Variants in IL1RAPL1 observed in about 807,000 individuals in gnomAD.
IL1RAPL1 encodes interleukin 1 receptor accessory protein like 1.
In IL1RAPL1, 3 loss-of-function variants were observed where a neutral mutation model predicts 48.4. The ratio of observed to expected loss-of-function variants is 0.06; its 90% confidence interval spans 0.03 to 0.16. The LOEUF (loss-of-function observed/expected upper bound fraction) is 0.16. Ranked by LOEUF, IL1RAPL1 falls within the 10% of genes least tolerant of loss-of-function variation. The pLI is 1.00. For synonymous variants in IL1RAPL1, 185 were observed against 187.7 expected (o/e 0.99, Z 0.12); for missense variants, 349 against 530.6 (o/e 0.66, Z 3.36).
intron 5 of IL1RAPL1, among the ~76,000 whole-genome samples, chrX:29,656,434 C>T (rs952754438): frequency 9.1e-6 from 1 of 110,376 alleles, no homozygotes; most frequent in African/African-American, 3.3e-5. Flanking sequence ...ATCCTTCCCC[C>T]AACTCCCCAG....
At chrX:28,938,029 A>C (rs903732854) in intron 2 of IL1RAPL1, among the ~76,000 whole-genome samples, 2 of 111,699 alleles carry the variant, frequency 1.8e-5, no homozygotes, top group African/African-American at 6.5e-5. Context: ...GACACAGACA[A>C]ATGGGAAAAC....
At chrX:28,672,781 A>T (rs1220354831) in intron 1 of IL1RAPL1, among the ~76,000 whole-genome samples, 1 of 111,134 alleles carries the variant, frequency 9.0e-6, no homozygotes, top group Non-Finnish European at 1.9e-5. Context: ...TGGGCTTTTG[A>T]CTTTCTCATT....
At chrX:29,467,528 G>A (rs752631333) in intron 5 of IL1RAPL1, among the ~76,000 whole-genome samples, 1 of 112,311 alleles carries the variant, frequency 8.9e-6, no homozygotes, top group Non-Finnish European at 1.9e-5. Context: ...GCACACAGGT[G>A]AGCGGATGTG....
chrX:29,382,306 G>A (rs1038454199), intron 3 of IL1RAPL1, among the ~76,000 whole-genome samples: 3 of 111,916 alleles, frequency 2.7e-5, no homozygotes, highest in Non-Finnish European at 5.6e-5. Context: ...GTACTTTTAA[G>A]GAAGAGGCAG....
intron 2 of IL1RAPL1, among the ~76,000 whole-genome samples, chrX:29,041,073 G>A (rs1926836137): frequency 1.8e-5 from 2 of 112,004 alleles, no homozygotes; most frequent in Non-Finnish European, 3.8e-5. Flanking sequence ...TGATAGCTGT[G>A]TTATCATGTT....
At chrX:29,131,919 C>T (rs1040780540) in intron 2 of IL1RAPL1, among the ~76,000 whole-genome samples, 3 of 111,414 alleles carry the variant, frequency 2.7e-5, no homozygotes, top group Non-Finnish European at 3.8e-5. Context: ...TACTTGAAGG[C>T]GACGTTATAA....
At chrX:29,367,798 C>G (rs901619667) in intron 3 of IL1RAPL1, among the ~76,000 whole-genome samples, 1 of 109,172 alleles carries the variant, frequency 9.2e-6, no homozygotes, top group Non-Finnish European at 1.9e-5. Context: ...AGGCTGGTCT[C>G]GAACTCCTGA....
At chrX:29,648,451 T>C (rs750704843) in intron 5 of IL1RAPL1, among the ~76,000 whole-genome samples, 7 of 111,669 alleles carry the variant, frequency 6.3e-5, no homozygotes, top group African/African-American at 2.3e-4. Flanking sequence ...TTTCAGACCA[T>C]GATGGTATAA....
chrX:28,907,798 A>C (rs1228524223), intron 2 of IL1RAPL1, among the ~76,000 whole-genome samples: 1 of 112,180 alleles, frequency 8.9e-6, no homozygotes, highest in African/African-American at 3.2e-5. Flanking sequence ...TGTTTTATGA[A>C]ATATATTGGA....
At chrX:28,914,353 A>T (rs750199324) in intron 2 of IL1RAPL1, among the ~76,000 whole-genome samples, 4 of 111,574 alleles carry the variant, frequency 3.6e-5, no homozygotes, top group Non-Finnish European at 7.5e-5. Flanking sequence ...TTATTTGAAA[A>T]ATGTAAAATG....
chrX:28,778,997 T>C (rs753763462), intron 1 of IL1RAPL1, among the ~76,000 whole-genome samples: 2 of 111,760 alleles, frequency 1.8e-5, no homozygotes, highest in South Asian at 3.7e-4. Flanking sequence ...AAATGAGATA[T>C]TAGATATTGG....
intron 5 of IL1RAPL1, among the ~76,000 whole-genome samples, chrX:29,600,667 G>T (rs1433393496): frequency 1.8e-5 from 2 of 111,289 alleles, no homozygotes; most frequent in African/African-American, 6.5e-5. Flanking sequence ...TACCAGGGCA[G>T]TAGAGAAAGA....
At chrX:29,228,801 GT>G (rs1402073893) in intron 2 of IL1RAPL1, among the ~76,000 whole-genome samples, 1 of 112,122 alleles carries the variant, frequency 8.9e-6, no homozygotes, top group Non-Finnish European at 1.9e-5. Flanking sequence ...TGCTGCCTGT[GT>G]TTTTGTGATG....
At chrX:29,822,312 A>C (rs1930639758) in intron 6 of IL1RAPL1, among the ~76,000 whole-genome samples, 1 of 111,923 alleles carries the variant, frequency 8.9e-6, no homozygotes, top group African/African-American at 3.2e-5. Context: ...ATATTAAAGA[A>C]CTAATGGAAC....
rs143017580 is a variant in IL1RAPL1, at chrX:29,645,026, T to C, written c.704-23404T>C. ...TTGTTGATTATGTGAATGATTATCT[T>C]CACATTATAACTAGACAAAAAGAGA... On this transcript the variant is annotated intron_variant, in intron 5 of 10. Transcript: ENST00000378993. Among the ~76,000 whole-genome samples the C allele has an allele frequency of 4.9e-3, 554 of 113,186 alleles. 3 individuals carry two copies. Among genetic ancestry groups the C allele is most frequent in the Middle Eastern group, 0.037 (8 of 217 alleles).
chrX:29,361,207 A>C (rs1321893360), intron 3 of IL1RAPL1, among the ~76,000 whole-genome samples: 1 of 111,733 alleles, frequency 8.9e-6, no homozygotes, highest in Non-Finnish European at 1.9e-5. Context: ...TATAGAATCT[A>C]GCTCTATGCG....
chrX:29,739,046 A>G (rs763350570), intron 6 of IL1RAPL1, among the ~76,000 whole-genome samples: 7 of 112,090 alleles, frequency 6.2e-5, no homozygotes, highest in Admixed American at 1.9e-4. Context: ...ATCCCATTCC[A>G]TCCTCACAGA....
intron 6 of IL1RAPL1, among the ~76,000 whole-genome samples, chrX:29,915,727 T>C (rs1281491674): frequency 9.7e-6 from 1 of 103,326 alleles, no homozygotes; most frequent in Non-Finnish European, 2.0e-5. Flanking sequence ...TTTTTTTTTT[T>C]TTTTTTGCAT....
chrX:29,940,630 T>C (rs900827324), intron 8 of IL1RAPL1, among the ~76,000 whole-genome samples: 4 of 111,990 alleles, frequency 3.6e-5, no homozygotes, highest in Non-Finnish European at 5.6e-5. Context: ...GTTTCAAAAA[T>C]CTATGCATGA....
Sources: allele counts gnomAD v4.1 joint callset (sites outside exome capture counted in the v4.1 genomes callset), GRCh38; gene constraint gnomAD v4.1.1; transcripts MANE v1.5; gene names NCBI Gene and HGNC (gene_info 2026-07-23, HGNC 2026-07-21).